Variants in MAU2 observed in about 807,000 individuals in gnomAD.
MAU2 encodes the protein MAU2 chromatid cohesion factor homolog.
MAU2 carries 9 observed loss-of-function variants against 89.1 expected under a neutral mutation model. That is an observed-to-expected ratio of 0.10 (90% CI 0.06 to 0.18). The LOEUF is 0.18. Ranked by LOEUF, MAU2 falls within the 10% of genes least tolerant of loss-of-function variation. The pLI is 1.00. For missense variants in MAU2, 425 were observed against 803.5 expected, an observed-to-expected ratio of 0.53 and a Z score of 5.69; for synonymous variants, 357 against 343.4, an observed-to-expected ratio of 1.04 and a Z score of -0.44.
At position 19,341,424 on chromosome 19, in the gene MAU2, A is replaced by T; in HGVS notation, c.735+17A>T. 1 of 1,612,806 alleles carries T rather than the reference A, an allele frequency of 6.2e-7. No individual in the cohort carries two copies. The highest frequency in any genetic ancestry group is 2.2e-5 in the East Asian group (1 of 44,870). ...GCCGGGCAGGTGTGTGGCGCCTCTC[A>T]GGCGAGCTGCTGGTTGTGACCAGTG... On this transcript the variant is annotated intron_variant, in intron 7 of 18. Coordinates refer to ENST00000262815, the MANE Select transcript of MAU2 (RefSeq NM_015329.4).
At chr19:19,347,247 C>G (rs1231138512) in intron 12 of MAU2, 33 bp from the exon 13 acceptor site, 1 of 1,495,692 alleles carries the variant, frequency 6.7e-7, no homozygotes, top group Non-Finnish European at 9.3e-7. Flanking sequence ...AGCACCCGAC[C>G]CAGCCCCCTA....
Position 19,355,256 on chromosome 19 carries a change from A to G in MAU2, c.1640-8A>G. 1 of 1,613,608 alleles carries G rather than the reference A, an allele frequency of 6.2e-7. No individual in the cohort carries two copies. ...AGGCGGGCCCCCATGCTCATGTCCC[A>G]CTCTCAGACCTGAATAAAGCCTGTG... On this transcript the variant is annotated splice_polypyrimidine_tract_variant and splice_region_variant and intron_variant, in intron 17 of 18. Transcript: ENST00000262815.
chr19:19,326,213 C>T (rs1171792838), intron 1 of MAU2, among the ~76,000 whole-genome samples: 19 of 151,924 alleles, frequency 1.3e-4, no homozygotes, highest in Admixed American at 9.9e-4. Context: ...CATACTTACT[C>T]GTCTACTTCA....
At chr19:19,325,747 G>A (rs959622410) in intron 1 of MAU2, among the ~76,000 whole-genome samples, 4 of 152,124 alleles carry the variant, frequency 2.6e-5, no homozygotes, top group Non-Finnish European at 5.9e-5. Context: ...CCAAAATGCC[G>A]GGATTACAGG....
At chr19:19,328,017 G>T (rs549263609) in intron 1 of MAU2, among the ~76,000 whole-genome samples, 4 of 152,046 alleles carry the variant, frequency 2.6e-5, no homozygotes, top group African/African-American at 9.6e-5. Context: ...AAATTAGCGG[G>T]CCCGTGGTGG....
At chr19:19,354,244 C>T in intron 16 of MAU2, 111 bp from the exon 17 acceptor site, 2 of 766,316 alleles carry the variant, frequency 2.6e-6, no homozygotes, top group Non-Finnish European at 2.3e-6. Context: ...GAGGTCACAA[C>T]CTGGGCTGGG....
chr19:19,352,336 T>C (rs2061752179), intron 16 of MAU2: 1 of 152,210 alleles, frequency 6.6e-6, no homozygotes, highest in African/African-American at 2.4e-5. Context: ...TCCCTCAGCA[T>C]GGATGCTGTT....
At chr19:19,322,530 G>A (rs2061469852) in intron 1 of MAU2, among the ~76,000 whole-genome samples, 1 of 152,182 alleles carries the variant, frequency 6.6e-6, no homozygotes, top group Non-Finnish European at 1.5e-5. Flanking sequence ...GCCCCGGGAG[G>A]TCGTGGCTGC....
At chr19:19,342,715 G>A (rs761446291) in intron 8 of MAU2, 34 bp downstream of exon 8, 2 of 1,613,338 alleles carry the variant, frequency 1.2e-6, no homozygotes, top group Admixed American at 1.7e-5. Context: ...CCAGGGCTGG[G>A]GGCGGGGGCA....
chr19:19,349,336 G>A lies in MAU2; in HGVS notation c.1448G>A (p.Arg483Gln). 2 of 1,614,120 alleles carry A rather than the reference G, an allele frequency of 1.2e-6. No homozygotes were observed. The highest frequency in any genetic ancestry group is 1.7e-6 in the Non-Finnish European group (2 of 1,180,002). ...GRYNEAKRFL[R>Q]ETLKMSNAED... ...GTTCTCCTTGTCAGGCGATTTCTGC[G>A]GGAAACTCTGAAGATGTCCAATGCT... is the stretch of plus-strand genomic sequence containing the variant. The change falls in exon 16 of 19, where the codon CGG becomes CAG. Residue 483 changes from arginine to glutamine, a missense_variant. Transcript: ENST00000262815.
chr19:19,347,163 A>G lies in MAU2; in HGVS notation c.1222-117A>G. Reference sequence around the variant, plus strand: ...AGGAGGCAAAACAAGTGTGTTTGAAATGAAAAGAACAAGTCTTTTCCAAAG... The same window carrying G: ...AGGAGGCAAAACAAGTGTGTTTGAAGTGAAAAGAACAAGTCTTTTCCAAAG... On this transcript the variant is annotated intron_variant, in intron 12 of 18. Transcript: ENST00000262815. 4.3e-6 allele frequency: 3 copies of G among 692,940 alleles called. No individual in the cohort carries two copies. The South Asian group carries it at 5.0e-5, about 12-fold the overall frequency. The allele number at this position is 692,940 out of a possible 1,614,324, so 42.9% of individuals were successfully genotyped here.
In MAU2 at chr19:19,349,513, A is replaced by C. The variant is rs79277503; in HGVS notation, c.1548+77A>C. 4.1e-3 allele frequency: 5,206 copies of C among 1,275,246 alleles called. 245 individuals are homozygous for C. In the East Asian group the frequency reaches 0.086, roughly 21 times the overall value. The allele number at this position is 1,275,246 out of a possible 1,614,324, so 79.0% of individuals were successfully genotyped here. On this transcript the variant is annotated intron_variant, in intron 16 of 18. Coordinates refer to ENST00000262815, the MANE Select transcript of MAU2 (RefSeq NM_015329.4). The stretch of plus-strand genomic sequence containing the variant: ...AGGGACAGGAGCCGGCCAGCACCCT[A>C]AGGGTGGCATGGCACTGTTCATCCT...
In MAU2 at chr19:19,355,525, G is replaced by A. The variant is rs373494034; in HGVS notation, c.1767+134G>A. 6.9e-4 allele frequency: 947 copies of A among 1,378,828 alleles called. 8 individuals carry two copies. The South Asian group carries it at 0.011, about 16-fold the overall frequency. 85.4% of individuals were successfully genotyped at this position (1,378,828 alleles called of 1,614,324 possible). On this transcript the variant is annotated intron_variant, in intron 18 of 18. Transcript: ENST00000262815. Reference sequence around the variant, plus strand: ...AGCCTCAGGTGATCCCTTGATGGGGGAGATGGCCATGGGCACCCCCACCCA... The same window carrying A: ...AGCCTCAGGTGATCCCTTGATGGGGAAGATGGCCATGGGCACCCCCACCCA...
intron 1 of MAU2, 126 bp downstream of exon 1, chr19:19,321,261 C>A: frequency 2.6e-6 from 3 of 1,138,158 alleles, no homozygotes; most frequent in Non-Finnish European, 2.4e-6. Flanking sequence ...TCCGTCAAAG[C>A]CGCAGGACCC....
rs1284213736 is a variant in MAU2 at position 19,345,033 on chromosome 19, C to T, written c.1155+107C>T. The T allele has an allele frequency of 3.9e-6, 4 of 1,018,320 alleles. No individual in the cohort carries two copies. The highest frequency in any genetic ancestry group is 6.0e-6 in the Non-Finnish European group (4 of 668,420). The allele number at this position is 1,018,320 out of a possible 1,614,324, so 63.1% of individuals were successfully genotyped here. Reference sequence around the variant, plus strand: ...CAGTGAAGGACCCCCTGACAGCACCCTAATCAGAATCCGGAATGTTCCCAT... The same window carrying T: ...CAGTGAAGGACCCCCTGACAGCACCTTAATCAGAATCCGGAATGTTCCCAT... On this transcript the variant is annotated intron_variant, in intron 11 of 18. Coordinates refer to ENST00000262815, the MANE Select transcript of MAU2 (RefSeq NM_015329.4). The surrounding 1 kb of genome is among the most constrained non-coding windows in gnomAD (Gnocchi z 4.9).
chr19:19,357,062 G>A lies in MAU2; in HGVS notation c.*1280G>A, dbSNP rs2048187796. The A allele has an allele frequency of 6.6e-6, 1 of 152,298 alleles. No individual in the cohort carries two copies. Among genetic ancestry groups the A allele is most frequent in the African/African-American group, 2.4e-5 (1 of 41,448 alleles). The allele number at this position is 152,298 out of a possible 1,614,324, so 9.4% of individuals were successfully genotyped here. A position where few individuals can be genotyped will look rare whatever the true frequency, so the allele number is the denominator to read the frequency against. ...TTAGGTCTTGTCACCCTCACTCAGT[G>A]GAACTGCCTCTGGGAGCTTTGGCGT... On this transcript the variant is annotated 3_prime_UTR_variant, in exon 19 of 19. Transcript: ENST00000262815.
chr19:19,354,915 G>T (rs1195485922), intron 17 of MAU2, among the ~76,000 whole-genome samples: 1 of 152,182 alleles, frequency 6.6e-6, no homozygotes, highest in Non-Finnish European at 1.5e-5. Context: ...GAGACGGGGT[G>T]CTCCATGTGC....
chr19:19,342,144 A>G (rs541147332), intron 7 of MAU2, among the ~76,000 whole-genome samples: 4 of 152,188 alleles, frequency 2.6e-5, no homozygotes, highest in South Asian at 2.1e-4. Flanking sequence ...GGCGAGATGG[A>G]CCACAGCGCC....
intron 17 of MAU2, chr19:19,355,048 C>T: frequency 1.8e-6 from 1 of 557,646 alleles, no homozygotes; most frequent in Non-Finnish European, 3.1e-6. Flanking sequence ...TGGCATTGGG[C>T]TTTCACTGCC....
Sources: gnomAD v4.1 joint callset for allele counts (sites outside exome capture counted in the v4.1 genomes callset) on GRCh38, gnomAD v4.1.1 for gene constraint, Gnocchi (gnomAD v3.1) non-coding constraint, MANE v1.5 for transcripts, NCBI Gene and HGNC (gene_info 2026-07-23, HGNC 2026-07-21) for gene names.